Variants in PARD3 observed in about 807,000 individuals in gnomAD.
The protein encoded by PARD3 is par-3 family cell polarity regulator.
In PARD3, 75 loss-of-function variants were observed where a neutral mutation model predicts 155.4. The ratio of observed to expected loss-of-function variants is 0.48; its 90% confidence interval spans 0.40 to 0.58. The LOEUF (loss-of-function observed/expected upper bound fraction) is 0.58. PARD3 is among the 20% of genes least tolerant of loss of function. The probability of loss-of-function intolerance (pLI) is 0.00; values close to 1 mark genes in which losing one functional copy is unlikely to be tolerated. For synonymous variants in PARD3, 576 were observed against 610.5 expected (o/e 0.94, Z 0.83); for missense variants, 1,642 against 1,721.7 (o/e 0.95, Z 0.82).
chr10:34,694,844 T>C (rs776600226), intron 2 of PARD3, among the ~76,000 whole-genome samples: 15 of 152,132 alleles, frequency 9.9e-5, no homozygotes, highest in Non-Finnish European at 1.8e-4. Context: ...ACATTTAAGA[T>C]ATGCACCAAC....
rs746310903 is a variant in PARD3, at chr10:34,111,503, G to T, written c.3728C>A (p.Pro1243His). ...SQDSWEQNYS[P>H]GEGFQSAKEN... ...TTTGGCACTCTGGAAGCCTTCCCCAGGGGAGTAGTTCTGCTCCCAAGAGTC... is the reference window on the plus strand; with the variant it reads ...TTTGGCACTCTGGAAGCCTTCCCCATGGGAGTAGTTCTGCTCCCAAGAGTC... Residue 1243 changes from proline to histidine, a missense_variant, in exon 25 of 25, where the codon CCT (proline) becomes CAT (histidine). Physicochemically the swap from Pro to His is moderately conservative, Grantham distance 77. Transcript: ENST00000374788. 5.0e-6 allele frequency: 8 copies of T among 1,613,926 alleles called. No homozygotes were observed. The East Asian group carries it at 1.8e-4, about 36-fold the overall frequency.
chr10:34,441,152 T>C (rs2076441801), intron 5 of PARD3, among the ~76,000 whole-genome samples: 1 of 152,166 alleles, frequency 6.6e-6, no homozygotes, highest in Admixed American at 6.5e-5. Context: ...CACCCCAGCA[T>C]ACCTAATGGT....
At chr10:34,653,757 G>A (rs554343234) in intron 2 of PARD3, among the ~76,000 whole-genome samples, 2 of 145,520 alleles carry the variant, frequency 1.4e-5, no homozygotes, top group East Asian at 2.0e-4. Flanking sequence ...AATAGCCACC[G>A]CACTCTAGCC....
Position 34,629,439 on chromosome 10 carries a change from A to G in PARD3, c.222+66879T>C, listed in dbSNP as rs1334356800. Among the ~76,000 whole-genome samples the G allele has an allele frequency of 4.6e-5, 7 of 152,342 alleles. 1 individual carries two copies. In the South Asian group the frequency reaches 1.0e-3, roughly 23 times the overall value. On this transcript the variant is annotated intron_variant, in intron 2 of 24. Coordinates refer to ENST00000374788, the MANE Select transcript of PARD3 (RefSeq NM_001184785.2). ...GGGTATTTCCTCAATCTACACGTGT[A>G]TGTGTGTGCATGTGCACACACACAC... is the stretch of plus-strand genomic sequence containing the variant.
chr10:34,573,730 AACAAAAACACACACACACACAC>A (rs1323633450), intron 2 of PARD3, among the ~76,000 whole-genome samples: 2 of 36,346 alleles, frequency 5.5e-5, no homozygotes, highest in African/African-American at 2.9e-4. Context: ...CAAACAAACA[AACAAAAACACACACACACACAC>A]ACACACACAC....
intron 4 of PARD3, among the ~76,000 whole-genome samples, chr10:34,461,392 G>C (rs2132949642): frequency 6.6e-6 from 1 of 152,278 alleles, no homozygotes; most frequent in African/African-American, 2.4e-5. Context: ...ATCACCTGAA[G>C]TCAGGAGTTC....
intron 1 of PARD3, among the ~76,000 whole-genome samples, chr10:34,741,197 T>C (rs1350499474): frequency 6.7e-6 from 1 of 149,828 alleles, no homozygotes; most frequent in African/African-American, 2.4e-5. Context: ...TTTTTTTTGT[T>C]TGAGAGAGAG....
At chr10:34,202,793 A>G (rs1320586827) in intron 22 of PARD3, among the ~76,000 whole-genome samples, 1 of 152,210 alleles carries the variant, frequency 6.6e-6, no homozygotes, top group African/African-American at 2.4e-5. Flanking sequence ...TATGTGCTTA[A>G]TATGTTGCTT....
intron 2 of PARD3, among the ~76,000 whole-genome samples, chr10:34,570,090 G>C (rs2086268534): frequency 6.6e-6 from 1 of 152,102 alleles, no homozygotes. Flanking sequence ...CCTATAATAA[G>C]TAAAGAAGTT....
chr10:34,428,606 C>T (rs971676802), intron 5 of PARD3, among the ~76,000 whole-genome samples: 2 of 152,134 alleles, frequency 1.3e-5, no homozygotes, highest in African/African-American at 4.8e-5. Flanking sequence ...AATGATGTAG[C>T]CCCCTTCACT....
At chr10:34,232,290 AT>A (rs1399169365) in intron 22 of PARD3, among the ~76,000 whole-genome samples, 25 of 152,092 alleles carry the variant, frequency 1.6e-4, no homozygotes, top group African/African-American at 6.0e-4. Context: ...GACCCTATCT[AT>A]TTGGTAAAGA....
chr10:34,727,430 G>C (rs1352423117), intron 1 of PARD3, among the ~76,000 whole-genome samples: 1 of 152,212 alleles, frequency 6.6e-6, no homozygotes, highest in Non-Finnish European at 1.5e-5. Flanking sequence ...GGCAGGGCAA[G>C]CCTCATAGGA....
intron 1 of PARD3, among the ~76,000 whole-genome samples, chr10:34,717,906 C>A (rs531655452): frequency 6.6e-6 from 1 of 152,318 alleles, no homozygotes; most frequent in African/African-American, 2.4e-5. Flanking sequence ...GTAATCCCAG[C>A]ACTCTGGGAG....
At chr10:34,382,509 T>C (rs2132000400) in intron 9 of PARD3, 31 bp downstream of exon 9, 2 of 1,584,312 alleles carry the variant, frequency 1.3e-6, no homozygotes, top group East Asian at 2.2e-5. Context: ...AGAAAAGAAA[T>C]TCCACAAAAC....
rs147449979 is a variant in PARD3 at position 34,489,919 on chromosome 10, G to C, written c.404-19656C>G. Among the ~76,000 whole-genome samples, 92 of 152,242 alleles carry C rather than the reference G, an allele frequency of 6.0e-4. No homozygotes were observed. In the East Asian group the frequency reaches 0.015, roughly 26 times the overall value. The stretch of plus-strand genomic sequence containing the variant: ...ACAGGTATGAAGACTTGGTGTTACA[G>C]AGATAAGATATCCTGGCAAAAGTTA... On this transcript the variant is annotated intron_variant, in intron 3 of 24. Coordinates refer to ENST00000374788, the MANE Select transcript of PARD3 (RefSeq NM_001184785.2).
intron 2 of PARD3, among the ~76,000 whole-genome samples, chr10:34,667,043 C>T (rs2093503830): frequency 6.6e-6 from 1 of 151,830 alleles, no homozygotes; most frequent in South Asian, 2.1e-4. Flanking sequence ...TGGCGCATGC[C>T]TATAATCCCA....
chr10:34,700,941 C>T (rs919816651), intron 1 of PARD3, among the ~76,000 whole-genome samples: 3 of 152,108 alleles, frequency 2.0e-5, no homozygotes, highest in African/African-American at 7.2e-5. Flanking sequence ...CACCACTGCA[C>T]TCCAGCCTGA....
chr10:34,247,159 TAGAA>T (rs1256608167), intron 22 of PARD3, among the ~76,000 whole-genome samples: 1 of 151,214 alleles, frequency 6.6e-6, no homozygotes, highest in African/African-American at 2.4e-5. Flanking sequence ...TTATTAGACA[TAGAA>T]AGGAAGAGGG....
intron 1 of PARD3, among the ~76,000 whole-genome samples, chr10:34,795,827 G>A (rs1052560943): frequency 6.6e-6 from 1 of 151,738 alleles, no homozygotes; most frequent in South Asian, 2.1e-4. Context: ...CCATGAGGTG[G>A]AGGTTGTAGT....
Sources: gnomAD v4.1 joint callset for allele counts (sites outside exome capture counted in the v4.1 genomes callset) on GRCh38, gnomAD v4.1.1 for gene constraint, MANE v1.5 for transcripts, NCBI Gene and HGNC (gene_info 2026-07-23, HGNC 2026-07-21) for gene names.